The following IQCM variants were observed in gnomAD, a reference collection of about 807,000 sequenced individuals.
The protein encoded by IQCM is IQ motif containing M.
IQCM carries 45 observed loss-of-function variants against 57.6 expected under a neutral mutation model. The observed-to-expected ratio is 0.78, with a 90% CI of 0.62 to 1.00. The LOEUF (loss-of-function observed/expected upper bound fraction) is 1.00, where lower values mean the gene tolerates loss of function less well. IQCM is among the 50% of genes least tolerant of loss of function. The pLI is 0.00. For missense variants in IQCM, 468 were observed against 511.6 expected (o/e 0.91, Z 0.82); for synonymous variants, 148 against 158.9 (o/e 0.93, Z 0.51).
At chr4:149,368,592 G>GTATAT (rs1730005087) in intron 13 of IQCM, among the ~76,000 whole-genome samples, 2 of 150,808 alleles carry the variant, frequency 1.3e-5, no homozygotes, top group Non-Finnish European at 3.0e-5. Context: ...TCTAAGCAAG[G>GTATAT]ACATGAGAGA....
intron 12 of IQCM, among the ~76,000 whole-genome samples, chr4:149,486,049 C>A (rs941885340): frequency 2.0e-5 from 3 of 151,286 alleles, no homozygotes; most frequent in Non-Finnish European, 4.4e-5. Context: ...CTCTCTCTCT[C>A]TCTCTCTCTC....
At chr4:149,592,703 T>C in intron 8 of IQCM, among the ~76,000 whole-genome samples, 1 of 151,970 alleles carries the variant, frequency 6.6e-6, no homozygotes, top group Non-Finnish European at 1.5e-5. Flanking sequence ...GCACCATTTA[T>C]TAAATAGGGA....
intron 5 of IQCM, among the ~76,000 whole-genome samples, chr4:149,721,377 G>A (rs1043397717): frequency 4.6e-5 from 7 of 151,838 alleles, no homozygotes; most frequent in African/African-American, 1.7e-4. Flanking sequence ...TTGAATTTTA[G>A]TGTACCCATC....
intron 2 of IQCM, among the ~76,000 whole-genome samples, chr4:149,752,529 T>A (rs1768549776): frequency 7.0e-6 from 1 of 141,882 alleles, no homozygotes; most frequent in South Asian, 2.2e-4. Context: ...TCCAGCCTGG[T>A]AACAGAATGA....
At chr4:149,785,424 T>C (rs1446231730) in intron 2 of IQCM, among the ~76,000 whole-genome samples, 1 of 152,138 alleles carries the variant, frequency 6.6e-6, no homozygotes, top group African/African-American at 2.4e-5. Flanking sequence ...TGAATAACGG[T>C]TGGTAGGCAT....
At position 149,658,273 on chromosome 4, in the gene IQCM, T is replaced by C. The variant is rs76099280; in HGVS notation, c.565+23845A>G. 8.5e-3 allele frequency among the ~76,000 whole-genome samples: 1,299 copies of C among 152,206 alleles called. 11 individuals are homozygous for C. Among genetic ancestry groups the C allele is most frequent in the African/African-American group, 0.03 (1,228 of 41,566 alleles). On this transcript the variant is annotated intron_variant, in intron 7 of 13. Coordinates refer to ENST00000636793, the MANE Select transcript of IQCM (RefSeq NM_001363507.2). Reference sequence around the variant, plus strand: ...AAGAGACTATCTTTTCCCCAATGTGTGTTCTTGGTGGCACTTTTGTTGAAA... The same window carrying C: ...AAGAGACTATCTTTTCCCCAATGTGCGTTCTTGGTGGCACTTTTGTTGAAA...
At chr4:149,733,529 G>A (rs1407834644) in intron 4 of IQCM, 21 bp from the exon 5 acceptor site, 2 of 1,185,848 alleles carry the variant, frequency 1.7e-6, no homozygotes, top group Non-Finnish European at 1.1e-6. Context: ...AACAAAAATA[G>A]ATTTTGGCAA....
At chr4:149,508,105 T>A (rs1166569160) in intron 12 of IQCM, among the ~76,000 whole-genome samples, 4 of 151,932 alleles carry the variant, frequency 2.6e-5, no homozygotes, top group African/African-American at 7.2e-5. Flanking sequence ...CTGCCTAGAT[T>A]TCAAAGATAT....
rs1398453537 is a variant in IQCM at position 149,733,487 on chromosome 4, T to C, written c.142A>G (p.Ile48Val). 8.1e-6 allele frequency: 10 copies of C among 1,227,340 alleles called. 1 individual carries two copies. In the South Asian group the frequency reaches 1.2e-4, roughly 15 times the overall value. The allele number at this position is 1,227,340 out of a possible 1,614,324, so 76.0% of individuals were successfully genotyped here. The change falls in exon 5 of 14, where the codon ATA becomes GTA. Residue 48 changes from isoleucine to valine, a missense_variant. Transcript: ENST00000636793. ...INENKVQGTS[I>V]NVFRKKHQKP... ...TGGTGTTTCTTTCTAAAAACATTTATAGAAGTACCTTGAACTTTATTCTAT... is the reference window on the plus strand; with the variant it reads ...TGGTGTTTCTTTCTAAAAACATTTACAGAAGTACCTTGAACTTTATTCTAT...
chr4:149,448,571 A>C (rs922152415), intron 12 of IQCM, among the ~76,000 whole-genome samples: 7 of 151,740 alleles, frequency 4.6e-5, no homozygotes, highest in Non-Finnish European at 1.0e-4. Context: ...AATATTATTT[A>C]AGATCAATAG....
At chr4:149,711,978 A>C (rs1764594764) in intron 5 of IQCM, among the ~76,000 whole-genome samples, 1 of 152,162 alleles carries the variant, frequency 6.6e-6, no homozygotes, top group South Asian at 2.1e-4. Context: ...TTAAAATATA[A>C]AGTGTCTCTA....
intron 13 of IQCM, among the ~76,000 whole-genome samples, chr4:149,405,885 T>C (rs1732942813): frequency 4.0e-5 from 1 of 25,136 alleles, no homozygotes; most frequent in Admixed American, 7.4e-4. Context: ...TATATATATA[T>C]CTTCATATAT....
chr4:149,526,282 G>C (rs1746148804), intron 12 of IQCM, among the ~76,000 whole-genome samples: 1 of 151,946 alleles, frequency 6.6e-6, no homozygotes, highest in East Asian at 1.9e-4. Flanking sequence ...TGACTGAATA[G>C]AATGGGGTAT....
intron 2 of IQCM, among the ~76,000 whole-genome samples, chr4:149,811,995 T>A (rs989517680): frequency 6.6e-6 from 1 of 152,100 alleles, no homozygotes. Flanking sequence ...CTTCTAAGAG[T>A]TCCTTAAATT....
intron 2 of IQCM, among the ~76,000 whole-genome samples, chr4:149,798,738 G>A (rs1580327979): frequency 6.6e-6 from 1 of 151,896 alleles, no homozygotes; most frequent in Non-Finnish European, 1.5e-5. Context: ...AAAACCATAA[G>A]AGACAAAAAA....
At chr4:149,495,754 G>T (rs750224807) in intron 12 of IQCM, among the ~76,000 whole-genome samples, 4 of 151,996 alleles carry the variant, frequency 2.6e-5, no homozygotes, top group Non-Finnish European at 4.4e-5. Flanking sequence ...AAATAGGTAA[G>T]ATAAAGGTAA....
intron 5 of IQCM, among the ~76,000 whole-genome samples, chr4:149,698,520 G>T (rs1167695287): frequency 6.6e-6 from 1 of 152,034 alleles, no homozygotes; most frequent in Non-Finnish European, 1.5e-5. Context: ...TCCATGTTTT[G>T]TCAGTGCAAT....
intron 9 of IQCM, among the ~76,000 whole-genome samples, chr4:149,584,502 A>G (rs1752483621): frequency 6.6e-6 from 1 of 151,738 alleles, no homozygotes. Context: ...AAATACATAA[A>G]TATATTTAAG....
chr4:149,480,488 T>A (rs1032253439), intron 12 of IQCM, among the ~76,000 whole-genome samples: 1 of 152,016 alleles, frequency 6.6e-6, no homozygotes, highest in African/African-American at 2.4e-5. Context: ...GATTTTTAGA[T>A]CCCATAAATA....
Sources: allele counts gnomAD v4.1 joint callset (sites outside exome capture counted in the v4.1 genomes callset), GRCh38; gene constraint gnomAD v4.1.1; transcripts MANE v1.5; gene names NCBI Gene and HGNC (gene_info 2026-07-23, HGNC 2026-07-21).